Variants in LRMDA observed in about 807,000 individuals in gnomAD.
LRMDA encodes the protein leucine-rich melanocyte differentiation-associated protein.
LRMDA carries 18 observed loss-of-function variants against 29.8 expected under a neutral mutation model. The ratio of observed to expected loss-of-function variants is 0.60; its 90% CI spans 0.42 to 0.90. The LOEUF (loss-of-function observed/expected upper bound fraction) is 0.90, where lower values mean the gene tolerates loss of function less well. LRMDA is among the 40% of genes least tolerant of loss of function. LRMDA has a pLI of 0.00. For missense variants in LRMDA, 273 were observed against 273.9 expected, an observed-to-expected ratio of 1.00 and a Z score of 0.02; for synonymous variants, 125 against 109.4, an observed-to-expected ratio of 1.14 and a Z score of -0.89.
chr10:76,073,003 G>GT (rs1357990653), intron 5 of LRMDA, among the ~76,000 whole-genome samples: 1 of 152,158 alleles, frequency 6.6e-6, no homozygotes, highest in Non-Finnish European at 1.5e-5. Flanking sequence ...GTCTGATTGT[G>GT]TTTGTCCATG....
At chr10:76,160,094 G>A (rs952773290) in intron 5 of LRMDA, among the ~76,000 whole-genome samples, 3 of 152,036 alleles carry the variant, frequency 2.0e-5, no homozygotes, top group Non-Finnish European at 4.4e-5. Context: ...GGGGGATGTT[G>A]ATAAGGGGGG....
At chr10:76,292,962 T>G (rs1447819948) in intron 5 of LRMDA, among the ~76,000 whole-genome samples, 1 of 152,102 alleles carries the variant, frequency 6.6e-6, no homozygotes, top group Non-Finnish European at 1.5e-5. Context: ...GGAAACAGTG[T>G]GTGTATTTAA....
chr10:76,293,980 T>A (rs952121138), intron 5 of LRMDA, among the ~76,000 whole-genome samples: 1 of 152,208 alleles, frequency 6.6e-6, no homozygotes, highest in Non-Finnish European at 1.5e-5. Flanking sequence ...TTGGAGGTTG[T>A]TTTGGTGCTT....
At chr10:75,455,466 A>C (rs1369802946) in intron 2 of LRMDA, among the ~76,000 whole-genome samples, 1 of 152,210 alleles carries the variant, frequency 6.6e-6, no homozygotes, top group Non-Finnish European at 1.5e-5. Flanking sequence ...ATTAGAGAAC[A>C]ATATGGGGCC....
chr10:76,502,566 A>C (rs2637237), intron 6 of LRMDA, among the ~76,000 whole-genome samples: 110,927 of 151,528 alleles, frequency 0.73, 41,296 homozygotes, highest in Non-Finnish European at 0.81. Context: ...TTGTGGAGAT[A>C]TTTCACCCTC....
At chr10:75,504,577 TA>T (rs890701582) in intron 2 of LRMDA, among the ~76,000 whole-genome samples, 5 of 152,068 alleles carry the variant, frequency 3.3e-5, no homozygotes, top group African/African-American at 1.2e-4. Flanking sequence ...TCTGTAGTAA[TA>T]GGGGGGAGTC....
intron 6 of LRMDA, among the ~76,000 whole-genome samples, chr10:76,555,142 G>A (rs1420919716): frequency 1.3e-5 from 2 of 152,108 alleles, no homozygotes; most frequent in East Asian, 1.9e-4. Context: ...GGCCTGTAGT[G>A]GATGCTATTC....
intron 2 of LRMDA, among the ~76,000 whole-genome samples, chr10:75,784,419 G>T (rs1303842287): frequency 6.6e-6 from 1 of 152,178 alleles, no homozygotes; most frequent in African/African-American, 2.4e-5. Flanking sequence ...GATAATGCTG[G>T]CCGGGTGCGG....
chr10:75,657,955 C>A (rs897964648), intron 2 of LRMDA, among the ~76,000 whole-genome samples: 3 of 152,064 alleles, frequency 2.0e-5, no homozygotes, highest in South Asian at 2.1e-4. Flanking sequence ...AACAGTGCAT[C>A]CCGAGAGAGA....
chr10:76,376,557 AT>A (rs1361746543), intron 6 of LRMDA, among the ~76,000 whole-genome samples: 1 of 151,860 alleles, frequency 6.6e-6, no homozygotes, highest in Non-Finnish European at 1.5e-5. Context: ...TTTTAATATA[AT>A]TTTTTTTCCT....
chr10:75,617,307 A>G (rs1446420641), intron 2 of LRMDA, among the ~76,000 whole-genome samples: 1 of 152,166 alleles, frequency 6.6e-6, no homozygotes, highest in Non-Finnish European at 1.5e-5. Context: ...TTTCCCATTT[A>G]CAACCTCTAA....
In LRMDA at chr10:75,636,796, G is replaced by A. The variant is rs556640718; in HGVS notation, c.131+198302G>A. 2.0e-4 allele frequency among the ~76,000 whole-genome samples: 31 copies of A among 152,140 alleles called. 1 individual carries two copies. In the South Asian group the frequency reaches 6.2e-3, roughly 31 times the overall value. ...AATTCACCCTCTGTGGAGTCCACCT[G>A]GGGCCGGGAGATCTCTCCTTTTTCT... On this transcript the variant is annotated intron_variant, in intron 2 of 6. Coordinates refer to ENST00000611255, the MANE Select transcript of LRMDA (RefSeq NM_001305581.2).
At chr10:75,438,370 G>A in intron 1 of LRMDA, 24 bp from the exon 2 acceptor site, 1 of 1,531,978 alleles carries the variant, frequency 6.5e-7, no homozygotes, top group East Asian at 2.5e-5. Context: ...TTGCCACATT[G>A]TTTCTGTTCC....
chr10:75,667,788 T>G (rs1430153683), intron 2 of LRMDA, among the ~76,000 whole-genome samples: 1 of 152,210 alleles, frequency 6.6e-6, no homozygotes, highest in Admixed American at 6.5e-5. Context: ...TGGTCTGAAC[T>G]CCTTATTTTA....
intron 5 of LRMDA, among the ~76,000 whole-genome samples, chr10:76,230,020 G>A (rs962272877): frequency 1.3e-5 from 2 of 151,984 alleles, no homozygotes. Flanking sequence ...TTATTTTAGC[G>A]AGGCAGTGTA....
intron 6 of LRMDA, among the ~76,000 whole-genome samples, chr10:76,369,853 C>T (rs1464147579): frequency 6.6e-6 from 1 of 152,102 alleles, no homozygotes; most frequent in Non-Finnish European, 1.5e-5. Context: ...ATAGCAGTGG[C>T]TTAACTTAAG....
intron 6 of LRMDA, among the ~76,000 whole-genome samples, chr10:76,467,275 A>G (rs1842574052): frequency 6.6e-6 from 1 of 152,168 alleles, no homozygotes; most frequent in Non-Finnish European, 1.5e-5. Flanking sequence ...TTTAAATACT[A>G]TTGGCCGAAA....
chr10:75,812,845 C>T (rs975656665), intron 2 of LRMDA, among the ~76,000 whole-genome samples: 2 of 152,226 alleles, frequency 1.3e-5, no homozygotes, highest in East Asian at 1.9e-4. Flanking sequence ...CCCTGCACCT[C>T]TTCCCCAATA....
chr10:76,007,008 G>T (rs920981400), intron 2 of LRMDA, among the ~76,000 whole-genome samples: 2 of 108,774 alleles, frequency 1.8e-5, no homozygotes, highest in Non-Finnish European at 4.0e-5. Context: ...GTGTGTGTGT[G>T]TGTGTGTGTG....
Sources: gnomAD v4.1 joint callset for allele counts (sites outside exome capture counted in the v4.1 genomes callset) on GRCh38, gnomAD v4.1.1 for gene constraint, MANE v1.5 for transcripts, NCBI Gene and HGNC (gene_info 2026-07-23, HGNC 2026-07-21) for gene names.